SSBP3: variants seen among roughly 807,000 people sequenced by gnomAD.
SSBP3 encodes the protein single stranded DNA binding protein 3, also known as single-stranded DNA-binding protein 3.
A neutral mutation model predicts 69.6 loss-of-function variants in SSBP3; 5 were observed. The observed-to-expected ratio is 0.07, with a 90% CI of 0.04 to 0.15. SSBP3 has a LOEUF of 0.15. SSBP3 is among the 10% of genes least tolerant of loss of function. The pLI, the probability that SSBP3 is intolerant of heterozygous loss-of-function variation, is 1.00. For missense variants in SSBP3, 312 were observed against 534.0 expected (o/e 0.58, Z 4.10); for synonymous variants, 196 against 193.4 (o/e 1.01, Z -0.11).
chr1:54,324,204 G>A (rs770337026), intron 4 of SSBP3, among the ~76,000 whole-genome samples: 10 of 152,164 alleles, frequency 6.6e-5, no homozygotes, highest in Non-Finnish European at 1.0e-4. Flanking sequence ...AAAGCCTTCC[G>A]GCCACAGAAA....
chr1:54,370,717 T>C (rs115633312), intron 4 of SSBP3, among the ~76,000 whole-genome samples: 344 of 152,188 alleles, frequency 2.3e-3, no homozygotes, highest in African/African-American at 8.1e-3. Context: ...AGGGGATTAT[T>C]ATATGTAAGG....
intron 4 of SSBP3, among the ~76,000 whole-genome samples, chr1:54,386,634 T>C (rs1648099770): frequency 6.7e-6 from 1 of 150,356 alleles, no homozygotes; most frequent in African/African-American, 2.5e-5. Flanking sequence ...ACCCTAATTG[T>C]GCTAAATTCT....
chr1:54,310,289 C>T (rs1382645371), intron 4 of SSBP3, among the ~76,000 whole-genome samples: 8 of 152,200 alleles, frequency 5.3e-5, no homozygotes, highest in Non-Finnish European at 1.2e-4. Flanking sequence ...CCAGGGGCCG[C>T]AGGCTCCGTC....
In SSBP3 at chr1:54,270,661, C is replaced by G. The variant is rs376733459; in HGVS notation, c.366+10777G>C. Reference sequence around the variant, plus strand: ...GAGGCAGCTCTTGTTCTTGGGTAAACTGAAAGACCTGGGCCTCTAGAACAG... The same window carrying G: ...GAGGCAGCTCTTGTTCTTGGGTAAAGTGAAAGACCTGGGCCTCTAGAACAG... On this transcript the variant is annotated intron_variant, in intron 5 of 17. Coordinates refer to ENST00000610401, the Ensembl canonical transcript of SSBP3. Among the ~76,000 whole-genome samples the G allele has an allele frequency of 6.6e-5, 10 of 152,162 alleles. No individual in the cohort carries two copies. The East Asian group carries it at 1.4e-3, about 21-fold the overall frequency.
intron 11 of SSBP3, 50 bp downstream of exon 11, chr1:54,242,114 C>T (rs1357683644): frequency 6.2e-7 from 1 of 1,606,908 alleles, no homozygotes; most frequent in Non-Finnish European, 8.5e-7. Context: ...TCCCCTGCAC[C>T]CAGAACCGCT....
intron 4 of SSBP3, among the ~76,000 whole-genome samples, chr1:54,342,060 G>A (rs1027355704): frequency 6.6e-6 from 1 of 152,218 alleles, no homozygotes; most frequent in Non-Finnish European, 1.5e-5. Context: ...AAGGCCACGC[G>A]CAGAGGGATT....
rs769868492 is a variant in SSBP3 at position 54,257,199 on chromosome 1, G to T, written c.448-13C>A. On this transcript the variant is annotated splice_polypyrimidine_tract_variant and intron_variant, in intron 6 of 17. Transcript: ENST00000610401. Reference sequence around the variant, plus strand: ...GTGACATAAAAGGCTGCAATTATAGGTAATTAGTTCAATGACAGCCTGCCC... The same window carrying T: ...GTGACATAAAAGGCTGCAATTATAGTTAATTAGTTCAATGACAGCCTGCCC... The T allele has an allele frequency of 1.3e-6, 2 of 1,591,324 alleles. No individual in the cohort carries two copies. Among genetic ancestry groups the T allele is most frequent in the Admixed American group, 3.6e-5 (2 of 55,250 alleles).
intron 4 of SSBP3, among the ~76,000 whole-genome samples, chr1:54,364,604 C>T (rs1037361352): frequency 1.3e-5 from 2 of 152,214 alleles, no homozygotes; most frequent in African/African-American, 4.8e-5. Flanking sequence ...TCAAGCTTAA[C>T]ATGAGAAATG....
At chr1:54,281,642 A>T in intron 4 of SSBP3, 115 bp from the exon 5 acceptor site, 1 of 950,052 alleles carries the variant, frequency 1.1e-6, no homozygotes, top group Non-Finnish European at 1.7e-6. Context: ...GACCTTCCTC[A>T]CAGGCCACTT....
chr1:54,364,411 C>T (rs1005887393), intron 4 of SSBP3, among the ~76,000 whole-genome samples: 2 of 152,142 alleles, frequency 1.3e-5, no homozygotes, highest in African/African-American at 4.8e-5. Context: ...TTACTGAGAC[C>T]CAGAGAAGGG....
At chr1:54,242,014 C>A in intron 11 of SSBP3, 150 bp downstream of exon 11, 1 of 926,006 alleles carries the variant, frequency 1.1e-6, no homozygotes, top group South Asian at 1.6e-5. Flanking sequence ...TCCCAGGCCT[C>A]CACCTCCACA....
chr1:54,358,701 C>A, intron 4 of SSBP3, among the ~76,000 whole-genome samples: 1 of 152,250 alleles, frequency 6.6e-6, no homozygotes, highest in East Asian at 1.9e-4. Context: ...GCTGTGGGGA[C>A]GATGGATGCA....
In SSBP3 at chr1:54,248,743, C is replaced by G. The variant is rs575425584; in HGVS notation, c.651+2873G>C. On this transcript the variant is annotated intron_variant, in intron 9 of 17. Transcript: ENST00000610401. Reference sequence around the variant, plus strand: ...TACATCAATGCCAGGCTTTCCTGACCCCAGTGATGGGCCAGTGCAGACACC... The same window carrying G: ...TACATCAATGCCAGGCTTTCCTGACGCCAGTGATGGGCCAGTGCAGACACC... 2.9e-3 allele frequency among the ~76,000 whole-genome samples: 445 copies of G among 152,272 alleles called. 4 individuals are homozygous for G. Among genetic ancestry groups the G allele is most frequent in the African/African-American group, 9.4e-3 (390 of 41,544 alleles).
intron 5 of SSBP3, among the ~76,000 whole-genome samples, chr1:54,263,142 G>A (rs1645043879): frequency 6.6e-6 from 1 of 152,192 alleles, no homozygotes. Context: ...CGAAAACTCC[G>A]AAGTGTGGAC....
At chr1:54,262,099 T>A (rs1206334147) in intron 5 of SSBP3, among the ~76,000 whole-genome samples, 1 of 152,130 alleles carries the variant, frequency 6.6e-6, no homozygotes, top group Non-Finnish European at 1.5e-5. Flanking sequence ...AGGAACTGGG[T>A]TCGAATCCTG....
chr1:54,240,856 C>A (rs1188602654), intron 13 of SSBP3, 49 bp downstream of exon 13: 1 of 1,611,074 alleles, frequency 6.2e-7, no homozygotes, highest in Non-Finnish European at 8.5e-7. Context: ...TGGCAACATG[C>A]CCCACCCTCC....
intron 4 of SSBP3, among the ~76,000 whole-genome samples, chr1:54,394,610 G>T (rs1258137967): frequency 6.6e-6 from 1 of 150,566 alleles, no homozygotes; most frequent in African/African-American, 2.4e-5. Flanking sequence ...AAAAGAAAAA[G>T]AAGCCAATGT....
chr1:54,312,745 A>AG lies in SSBP3; in HGVS notation c.277-31219dup, dbSNP rs577209451. Reference sequence around the variant, plus strand: ...CAGACAAGACCACCACAGCCATGTCAGGGGGCTACCAGGCCTCACAAGCTT... The same window carrying AG: ...CAGACAAGACCACCACAGCCATGTCAGGGGGGCTACCAGGCCTCACAAGCTT... On this transcript the variant is annotated intron_variant, in intron 4 of 17. Coordinates refer to ENST00000610401, the Ensembl canonical transcript of SSBP3. 5.9e-3 allele frequency among the ~76,000 whole-genome samples: 898 copies of AG among 152,262 alleles called. 7 individuals carry two copies. The highest frequency in any genetic ancestry group is 0.02 in the African/African-American group (839 of 41,544).
chr1:54,404,208 C>T (rs916462912), intron 3 of SSBP3, among the ~76,000 whole-genome samples: 1 of 152,094 alleles, frequency 6.6e-6, no homozygotes, highest in Non-Finnish European at 1.5e-5. Context: ...TAAAACAGAC[C>T]TGGTATCCCC....
Sources: gnomAD v4.1 joint callset for allele counts (sites outside exome capture counted in the v4.1 genomes callset) on GRCh38, gnomAD v4.1.1 for gene constraint, MANE v1.5 for transcripts, NCBI Gene and HGNC (gene_info 2026-07-23, HGNC 2026-07-21) for gene names.